The following CYP11B1 variants were observed in gnomAD, a reference collection of about 807,000 sequenced individuals.
The protein encoded by CYP11B1 is cytochrome P450 11B1, mitochondrial.
CYP11B1 carries 34 observed loss-of-function variants against 48.3 expected under a neutral mutation model. The observed-to-expected ratio is 0.70, with a 90% CI of 0.54 to 0.94. CYP11B1 has a LOEUF of 0.94. Among genes scored for constraint, CYP11B1 ranks in the 40% least tolerant of loss-of-function variants. The pLI, the probability that CYP11B1 is intolerant of heterozygous loss-of-function variation, is 0.00. For synonymous variants in CYP11B1, 291 were observed against 262.5 expected, an observed-to-expected ratio of 1.11 and a Z score of -1.05; for missense variants, 688 against 657.4, an observed-to-expected ratio of 1.05 and a Z score of -0.51.
rs752074776 is a variant in CYP11B1 at position 142,876,840 on chromosome 8, T to C, written c.641A>G (p.His214Arg). 1.5e-5 allele frequency: 24 copies of C among 1,614,080 alleles called. No individual in the cohort carries two copies. The highest frequency in any genetic ancestry group is 2.0e-5 in the Non-Finnish European group (24 of 1,180,010). The change falls in exon 4 of 9, where the codon CAC becomes CGC. Residue 214 changes from histidine to arginine, a missense_variant. His to Arg is a conservative substitution (Grantham distance 29). Transcript: ENST00000292427. ...GTTCAGGCTGGCAGAACTGGGGCTG[T>C]GGCCAACCAGGCCCAGCCGCTCTCC... ...LFGERLGLVG[H>R]SPSSASLNFL...
Position 142,874,979 on chromosome 8 carries a change from T to C in CYP11B1, c.1376A>G (p.Glu459Gly), listed in dbSNP as rs1414894730. ...CACATGGTGCAGCAGCAGCAGCATC[T>C]CTGCCTCTGCCAGGCGCCGCCCAAG... ...QCLGRRLAEAEMLLLLHHVLK... is the reference protein window; with the variant it reads ...QCLGRRLAEAGMLLLLHHVLK... The change falls in exon 8 of 9, where the codon GAG becomes GGG. Residue 459 changes from glutamate to glycine, a missense_variant. Physicochemically the swap from Glu to Gly is moderately conservative, Grantham distance 98. Coordinates refer to ENST00000292427, the MANE Select transcript of CYP11B1 (RefSeq NM_000497.4). 2 of 1,613,910 alleles carry C rather than the reference T, an allele frequency of 1.2e-6. No individual in the cohort carries two copies. Among genetic ancestry groups the C allele is most frequent in the South Asian group, 2.2e-5 (2 of 91,072 alleles).
At chr8:142,874,584 G>T in intron 8 of CYP11B1, 98 bp from the exon 9 acceptor site, 1 of 870,530 alleles carries the variant, frequency 1.1e-6, no homozygotes, top group South Asian at 1.3e-5. Context: ...TATGCTGAAG[G>T]GGGAACAGCA....
At position 142,875,244 on chromosome 8, in the gene CYP11B1, A is replaced by T. The variant is rs1434903721; in HGVS notation, c.1190T>A (p.Ile397Asn). ...GTGGGGCTCACTCACCCCAGCTGGG[A>T]TGTGGTAGTTCTGAAGCACCAAGTC... The part of the protein sequence containing the change: ...SSDLVLQNYH[I>N]PAGTLVRVFL... The change falls in exon 7 of 9, where the codon ATC becomes AAC. Residue 397 changes from isoleucine (I) to asparagine (N), a missense_variant. Coordinates refer to ENST00000292427, the MANE Select transcript of CYP11B1 (RefSeq NM_000497.4). The T allele has an allele frequency of 1.2e-6, 2 of 1,613,918 alleles. No individual in the cohort carries two copies. The highest frequency in any genetic ancestry group is 2.7e-5 in the African/African-American group (2 of 74,924).
Position 142,876,798 on chromosome 8 carries a change from T to C in CYP11B1, c.683A>G (p.Glu228Gly). The part of the protein sequence containing the change: ...SASLNFLHAL[E>G]VMFKSTVQLM... ...CTGGACGGTGGATTTGAACATGACC[T>C]CCAGGGCATGGAGGAAGTTCAGGCT... The change falls in exon 4 of 9, where the codon GAG becomes GGG. Residue 228 changes from glutamate (E) to glycine (G), a missense_variant. Coordinates refer to ENST00000292427, the MANE Select transcript of CYP11B1 (RefSeq NM_000497.4). The C allele has an allele frequency of 1.2e-6, 2 of 1,614,078 alleles. No individual in the cohort carries two copies. Among genetic ancestry groups the C allele is most frequent in the South Asian group, 2.2e-5 (2 of 91,058 alleles).
chr8:142,875,603 C>G lies in CYP11B1; in HGVS notation c.1121+109G>C, dbSNP rs1816912594. 8 of 1,250,962 alleles carry G rather than the reference C, an allele frequency of 6.4e-6. No homozygotes were observed. In the South Asian group the frequency reaches 1.1e-4, roughly 16 times the overall value. 77.5% of individuals were successfully genotyped at this position (1,250,962 alleles called of 1,614,324 possible). ...GGAAGAGCAGGTGCAGGGGAATGGGCTGCTGGGTGACGCTGTTTATCAGCC... is the reference window on the plus strand; with the variant it reads ...GGAAGAGCAGGTGCAGGGGAATGGGGTGCTGGGTGACGCTGTTTATCAGCC... On this transcript the variant is annotated intron_variant, in intron 6 of 8. Transcript: ENST00000292427.
chr8:142,874,601 C>A (rs1816872667), intron 8 of CYP11B1, 115 bp from the exon 9 acceptor site: 2 of 793,132 alleles, frequency 2.5e-6, no homozygotes, highest in African/African-American at 1.7e-5. Flanking sequence ...AGCAGCCTGG[C>A]CTCCAACCTG....
chr8:142,874,848 G>C (rs1202633588), intron 8 of CYP11B1, 109 bp downstream of exon 8: 1 of 1,381,526 alleles, frequency 7.2e-7, no homozygotes, highest in Non-Finnish European at 1.0e-6. Context: ...CCCAGTCCAG[G>C]AAACATGCAG....
At position 142,872,865 on chromosome 8, in the gene CYP11B1, C is replaced by T. The variant is rs1816836796; in HGVS notation, c.*1508G>A. The T allele has an allele frequency of 6.6e-6, 1 of 152,270 alleles. No homozygotes were observed. The highest frequency in any genetic ancestry group is 1.5e-5 in the Non-Finnish European group (1 of 68,026). The allele number at this position is 152,270 out of a possible 1,614,324, so 9.4% of individuals were successfully genotyped here. ...TGCCCTCTTGAATGGAACTGGCGTC[C>T]TTATAAAAGAGGTCTCTGTGAGCTG... On this transcript the variant is annotated 3_prime_UTR_variant, in exon 9 of 9. Coordinates refer to ENST00000292427, the MANE Select transcript of CYP11B1 (RefSeq NM_000497.4).
rs1328716424 is a variant in CYP11B1, at chr8:142,876,222, G to A, written c.954+19C>T. The A allele has an allele frequency of 6.2e-7, 1 of 1,614,100 alleles. No individual in the cohort carries two copies. Among genetic ancestry groups the A allele is most frequent in the South Asian group, 1.1e-5 (1 of 91,068 alleles). On this transcript the variant is annotated intron_variant, in intron 5 of 8. Coordinates refer to ENST00000292427, the MANE Select transcript of CYP11B1 (RefSeq NM_000497.4). ...GCTTGGCATCACCCTCTCTGGGTGG[G>A]GCTGGTTGCCGGCCTGACCGTGTCC...
At position 142,875,106 on chromosome 8, in the gene CYP11B1, A is replaced by G. The variant is rs768525580; in HGVS notation, c.1249T>C (p.Phe417Leu). ...GGGTTATAGCGCTCAGGCCTCGGGA[A>G]CAAGGCGGGGTTGCGACCCAGAGAG... ...LYSLGRNPALFPRPERYNPQR... is the reference protein window; with the variant it reads ...LYSLGRNPALLPRPERYNPQR... Residue 417 changes from phenylalanine to leucine, a missense_variant, in exon 8 of 9, where the codon TTC (phenylalanine) becomes CTC (leucine). Coordinates refer to ENST00000292427, the MANE Select transcript of CYP11B1 (RefSeq NM_000497.4). 4 of 1,614,242 alleles carry G rather than the reference A, an allele frequency of 2.5e-6. No homozygotes were observed. The South Asian group carries it at 3.3e-5, about 13-fold the overall frequency.
At chr8:142,877,519 C>A (rs1443042489) in intron 2 of CYP11B1, among the ~76,000 whole-genome samples, 1 of 152,234 alleles carries the variant, frequency 6.6e-6, no homozygotes, top group Non-Finnish European at 1.5e-5. Flanking sequence ...ACCACCTCAC[C>A]CATGCAGGCC....
intron 8 of CYP11B1, among the ~76,000 whole-genome samples, chr8:142,874,723 A>G (rs1015633387): frequency 1.1e-4 from 16 of 151,904 alleles, no homozygotes; most frequent in African/African-American, 3.9e-4. Flanking sequence ...CCCAGTTCCC[A>G]CCTGACCCGG....
intron 8 of CYP11B1, 113 bp downstream of exon 8, chr8:142,874,844 C>G: frequency 1.5e-6 from 2 of 1,346,442 alleles, no homozygotes; most frequent in Non-Finnish European, 2.1e-6. Flanking sequence ...TCTGCCCAGT[C>G]CAGGAAACAT....
Position 142,879,638 on chromosome 8 carries a change from T to G in CYP11B1, c.176A>C (p.Gln59Pro). 1 of 1,614,218 alleles carries G rather than the reference T, an allele frequency of 6.2e-7. No homozygotes were observed. The highest frequency in any genetic ancestry group is 2.2e-5 in the East Asian group (1 of 44,872). Residue 59 changes from glutamine (Q) to proline (P), a missense_variant, in exon 1 of 9, where the codon CAG becomes CCG. Transcript: ENST00000292427. ...WLRLLQIWRE[Q>P]GYEDLHLEVH... ...TTCCAGGTGCAGGTCCTCATAACCC[T>G]GCTCCCTCCAGATCTGCAGCAGCCT...
At chr8:142,879,553 C>T (rs751195976) in intron 1 of CYP11B1, 22 bp downstream of exon 1, 35 of 1,614,026 alleles carry the variant, frequency 2.2e-5, no homozygotes, top group Admixed American at 1.7e-5. Flanking sequence ...GTGTTCCCAG[C>T]GAGGGCCAGG....
chr8:142,874,944 C>A lies in CYP11B1; in HGVS notation c.1398+13G>T, dbSNP rs749310551. 6.2e-7 allele frequency: 1 copy of A among 1,612,246 alleles called. No individual in the cohort carries two copies. Among genetic ancestry groups the A allele is most frequent in the Non-Finnish European group, 8.5e-7 (1 of 1,179,894 alleles). ...ACCCCGCCCAGGCCCCTCCCCAGCCCGGGCCTGCTCACATGGTGCAGCAGC... is the reference window on the plus strand; with the variant it reads ...ACCCCGCCCAGGCCCCTCCCCAGCCAGGGCCTGCTCACATGGTGCAGCAGC... On this transcript the variant is annotated intron_variant, in intron 8 of 8. Transcript: ENST00000292427.
rs1214983921 is a variant in CYP11B1, at chr8:142,875,821, G to A, written c.1012C>T (p.Gln338Ter). The change falls in exon 6 of 9, where the codon CAG (glutamine) becomes TAG (stop). Residue 338 changes from glutamine to a stop codon, truncating the protein, a stop_gained. Coordinates refer to ENST00000292427, the MANE Select transcript of CYP11B1 (RefSeq NM_000497.4). LOFTEE classifies it high-confidence loss of function. The stretch of plus-strand genomic sequence containing the variant: ...GCCAGGCTCTCCTGGCGCAGGGCCT[G>A]CTGCACGTTGGGGTTCCGAGCCAGC... ...FELARNPNVQQALRQESLAAA... is the reference protein window; with the variant it reads ...FELARNPNVQ 2.5e-6 allele frequency: 4 copies of A among 1,614,146 alleles called. No individual in the cohort carries two copies. In the South Asian group the frequency reaches 4.4e-5, roughly 18 times the overall value.
In CYP11B1 at chr8:142,879,182, T is replaced by A. The variant is rs775055690; in HGVS notation, c.245A>T (p.Asp82Val). The change falls in exon 2 of 9, where the codon GAC becomes GTC. Residue 82 changes from aspartate to valine, a missense_variant. Coordinates refer to ENST00000292427, the MANE Select transcript of CYP11B1 (RefSeq NM_000497.4). ...FQELGPIFRY[D>V]LGGAGMVCVM... ...ACACACCATGCCTGCTCCTCCCAAG[T>A]CGTACCTGTGGGGCCAAGCACGAGG... 1.9e-6 allele frequency: 3 copies of A among 1,613,690 alleles called. No homozygotes were observed. The highest frequency in any genetic ancestry group is 1.7e-6 in the Non-Finnish European group (2 of 1,179,832).
At chr8:142,877,517 A>G (rs905216937) in intron 2 of CYP11B1, among the ~76,000 whole-genome samples, 1 of 152,020 alleles carries the variant, frequency 6.6e-6, no homozygotes, top group African/African-American at 2.4e-5. Flanking sequence ...GCACCACCTC[A>G]CCCATGCAGG....
Sources: allele counts gnomAD v4.1 joint callset (sites outside exome capture counted in the v4.1 genomes callset), GRCh38; gene constraint gnomAD v4.1.1; transcripts MANE v1.5; gene names NCBI Gene and HGNC (gene_info 2026-07-23, HGNC 2026-07-21).